The following CCDC102B variants were observed in gnomAD, a reference collection of about 807,000 sequenced individuals.
CCDC102B encodes coiled-coil domain containing 102B, also known as coiled-coil domain-containing protein 102B.
CCDC102B carries 75 observed loss-of-function variants against 57.4 expected under a neutral mutation model. That is an observed-to-expected ratio of 1.31 (90% CI 1.08 to 1.58). The LOEUF (loss-of-function observed/expected upper bound fraction) is 1.58. CCDC102B is among the 40% of genes most tolerant of loss of function. The pLI, the probability that CCDC102B is intolerant of heterozygous loss-of-function variation, is 0.00. For synonymous variants in CCDC102B, 206 were observed against 201.9 expected (o/e 1.02, Z -0.17); for missense variants, 636 against 582.6 (o/e 1.09, Z -0.94).
chr18:68,818,562 A>C (rs2036580638), intron 1 of CCDC102B, among the ~76,000 whole-genome samples: 1 of 152,156 alleles, frequency 6.6e-6, no homozygotes, highest in South Asian at 2.1e-4. Context: ...AACTAAGGGT[A>C]AACACTATTC....
intron 6 of CCDC102B, among the ~76,000 whole-genome samples, chr18:68,971,817 A>G (rs906852097): frequency 9.2e-5 from 14 of 152,100 alleles, no homozygotes; most frequent in African/African-American, 3.4e-4. Context: ...ATGTGCTTGA[A>G]TCTACTGGAT....
rs557857228 is a variant in CCDC102B, at chr18:68,971,851, A to G, written c.1264-39083A>G. ...ATTGTACACTTATCTATTAAAATAC[A>G]TATTATATCAATTGAATCTATCAGA... On this transcript the variant is annotated intron_variant, in intron 6 of 7. Coordinates refer to ENST00000360242, the MANE Select transcript of CCDC102B (RefSeq NM_024781.3). Among the ~76,000 whole-genome samples, 12 of 152,270 alleles carry G rather than the reference A, an allele frequency of 7.9e-5. No individual in the cohort carries two copies. In the East Asian group the frequency reaches 1.7e-3, roughly 22 times the overall value.
intron 2 of CCDC102B, among the ~76,000 whole-genome samples, chr18:68,743,247 AT>A (rs1233780358): frequency 2.0e-5 from 3 of 147,002 alleles, no homozygotes; most frequent in East Asian, 2.0e-4. Context: ...AAATAAATAA[AT>A]AAATAAAAAA....
At chr18:68,812,504 C>T (rs543996197) in intron 1 of CCDC102B, among the ~76,000 whole-genome samples, 1 of 152,176 alleles carries the variant, frequency 6.6e-6, no homozygotes, top group African/African-American at 2.4e-5. Flanking sequence ...AATAGAAAAG[C>T]ATTTTAAAGA....
intron 6 of CCDC102B, among the ~76,000 whole-genome samples, chr18:68,938,516 A>G (rs1331147010): frequency 1.3e-5 from 2 of 152,006 alleles, no homozygotes; most frequent in South Asian, 4.1e-4. Context: ...TTATAATACA[A>G]ATATCTTATA....
At chr18:68,761,799 C>A (rs2034262293) in intron 2 of CCDC102B, among the ~76,000 whole-genome samples, 1 of 151,976 alleles carries the variant, frequency 6.6e-6, no homozygotes, top group Admixed American at 6.6e-5. Flanking sequence ...AAGTTTAGTT[C>A]ATTTACGTTT....
intron 6 of CCDC102B, among the ~76,000 whole-genome samples, chr18:68,939,888 T>C (rs1347401281): frequency 2.0e-5 from 3 of 151,858 alleles, no homozygotes; most frequent in East Asian, 1.9e-4. Context: ...CTGTAACTAA[T>C]ACCAAATCCT....
At chr18:68,728,446 C>T (rs1018323729) in intron 2 of CCDC102B, among the ~76,000 whole-genome samples, 39 of 152,192 alleles carry the variant, frequency 2.6e-4, no homozygotes, top group Non-Finnish European at 2.9e-4. Flanking sequence ...AAAATTATGG[C>T]ATGAGTTTTG....
Position 68,738,993 on chromosome 18 carries a change from C to CTTTTTTTTTTTTTTTTTTTTTTTTTT in CCDC102B, c.-67+22403_-67+22404insTTTTTTTTTTTTTTTTTTTTTTTTTT, listed in dbSNP as rs201214278. Among the ~76,000 whole-genome samples, 102 of 144,982 alleles carry CTTTTTTTTTTTTTTTTTTTTTTTTTT rather than the reference C, an allele frequency of 7.0e-4. 5 individuals are homozygous for CTTTTTTTTTTTTTTTTTTTTTTTTTT. In the South Asian group the frequency reaches 7.9e-3, roughly 11 times the overall value. ...GGCCATTGGACTGTAGATGAGCAGC[C>CTTTTTTTTTTTTTTTTTTTTTTTTTT]TTTTGTTTTTTTTTTTTTTAGACCA... On this transcript the variant is annotated intron_variant, in intron 2 of 3. Coordinates refer to the CCDC102B transcript ENST00000578970.
At chr18:69,039,303 C>A (rs2052372524) in intron 7 of CCDC102B, among the ~76,000 whole-genome samples, 1 of 151,930 alleles carries the variant, frequency 6.6e-6, no homozygotes, top group Non-Finnish European at 1.5e-5. Context: ...TTATATCTAA[C>A]AGTGTTAAGT....
chr18:68,769,560 A>G lies in CCDC102B; in HGVS notation c.-67+52966A>G, dbSNP rs559676823. The stretch of plus-strand genomic sequence containing the variant: ...ATGATCCCTAGATAACCTCCCTCCA[A>G]TCAAAGCCTTGGGCTCTGATTTCAA... On this transcript the variant is annotated intron_variant, in intron 2 of 3. Coordinates refer to the CCDC102B transcript ENST00000578970. 1.6e-4 allele frequency among the ~76,000 whole-genome samples: 24 copies of G among 152,164 alleles called. No homozygotes were observed. The South Asian group carries it at 5.0e-3, about 32-fold the overall frequency.
intron 4 of CCDC102B, among the ~76,000 whole-genome samples, chr18:68,872,008 T>C (rs1447119423): frequency 2.0e-5 from 3 of 152,160 alleles, no homozygotes; most frequent in African/African-American, 7.2e-5. Context: ...GGATTTACTA[T>C]GTATTGTGAA....
chr18:68,855,995 G>A (rs1309005009), intron 4 of CCDC102B, among the ~76,000 whole-genome samples: 4 of 152,118 alleles, frequency 2.6e-5, no homozygotes, highest in African/African-American at 9.6e-5. Flanking sequence ...GTGTTTGGTA[G>A]AGAAGGAATG....
chr18:68,923,440 AAAT>A (rs1451435035), intron 6 of CCDC102B, among the ~76,000 whole-genome samples: 6 of 151,988 alleles, frequency 3.9e-5, no homozygotes, highest in Non-Finnish European at 5.9e-5. Context: ...TCAATTTAAT[AAAT>A]AATATTATTA....
At chr18:68,781,100 A>G (rs1379322734) in intron 2 of CCDC102B, among the ~76,000 whole-genome samples, 2 of 152,096 alleles carry the variant, frequency 1.3e-5, no homozygotes, top group African/African-American at 4.8e-5. Flanking sequence ...AATTGTTGTT[A>G]GTAACAACAT....
At chr18:68,918,538 T>C (rs992263557) in intron 6 of CCDC102B, among the ~76,000 whole-genome samples, 1 of 152,202 alleles carries the variant, frequency 6.6e-6, no homozygotes, top group African/African-American at 2.4e-5. Context: ...AGATACCTTT[T>C]CTTGTCTGTT....
chr18:68,907,551 G>A (rs893597156), intron 6 of CCDC102B, among the ~76,000 whole-genome samples: 11 of 152,136 alleles, frequency 7.2e-5, no homozygotes, highest in Admixed American at 2.0e-4. Context: ...TCTTTCAGGT[G>A]TACTTAAAAT....
intron 1 of CCDC102B, among the ~76,000 whole-genome samples, chr18:68,820,809 G>T (rs2036663181): frequency 1.3e-5 from 2 of 152,086 alleles, no homozygotes; most frequent in Non-Finnish European, 2.9e-5. Context: ...TATCCACATT[G>T]AGCTCACAGC....
At chr18:69,053,912 T>C (rs935591342) in intron 7 of CCDC102B, 118 bp from the exon 8 acceptor site, 42 of 760,144 alleles carry the variant, frequency 5.5e-5, no homozygotes, top group Non-Finnish European at 7.4e-5. Context: ...GTGAGAATAC[T>C]TACAATCTAT....
Sources: gnomAD v4.1 joint callset for allele counts (sites outside exome capture counted in the v4.1 genomes callset) on GRCh38, gnomAD v4.1.1 for gene constraint, MANE v1.5 for transcripts, NCBI Gene and HGNC (gene_info 2026-07-23, HGNC 2026-07-21) for gene names.